Variants in RPRD2 observed in about 807,000 individuals in gnomAD.
The protein encoded by RPRD2 is regulation of nuclear pre-mRNA domain containing 2.
RPRD2 carries 12 observed loss-of-function variants against 104.4 expected under a neutral mutation model. That is an observed-to-expected ratio of 0.11 (90% CI 0.07 to 0.19). The LOEUF (loss-of-function observed/expected upper bound fraction) is 0.19, where lower values mean the gene tolerates loss of function less well. RPRD2 is among the 10% of genes least tolerant of loss of function. The probability of loss-of-function intolerance (pLI) is 1.00; values close to 1 mark genes in which losing one functional copy is unlikely to be tolerated. For missense variants in RPRD2, 1,543 were observed against 1,790.1 expected, an observed-to-expected ratio of 0.86 and a Z score of 2.49; for synonymous variants, 714 against 684.9, an observed-to-expected ratio of 1.04 and a Z score of -0.66.
intron 1 of RPRD2, among the ~76,000 whole-genome samples, chr1:150,373,085 C>T (rs1483166260): frequency 6.6e-6 from 1 of 151,916 alleles, no homozygotes; most frequent in African/African-American, 2.4e-5. Context: ...ACCATCTCGG[C>T]TCACTGCAAC....
At chr1:150,427,078 G>T (rs587704195) in intron 2 of RPRD2, among the ~76,000 whole-genome samples, 10 of 152,276 alleles carry the variant, frequency 6.6e-5, no homozygotes, top group African/African-American at 2.4e-4. Flanking sequence ...CCGGGAAGTG[G>T]AGGTTACAGT....
intron 1 of RPRD2, among the ~76,000 whole-genome samples, chr1:150,370,356 A>AAGT (rs1660209812): frequency 6.6e-6 from 1 of 152,130 alleles, no homozygotes. Context: ...TTTCATCTAT[A>AAGT]AGTAGTTCTG....
chr1:150,426,112 C>T (rs1200665054), intron 2 of RPRD2, among the ~76,000 whole-genome samples: 2 of 151,978 alleles, frequency 1.3e-5, no homozygotes, highest in Non-Finnish European at 2.9e-5. Context: ...AACAAACAAA[C>T]AAACAAAAAA....
At position 150,471,743 on chromosome 1, in the gene RPRD2, G is replaced by T; in HGVS notation, c.2795G>T (p.Ser932Ile). The T allele has an allele frequency of 6.2e-7, 1 of 1,613,896 alleles. No homozygotes were observed. Among genetic ancestry groups the T allele is most frequent in the African/African-American group, 1.3e-5 (1 of 74,982 alleles). The change falls in exon 11 of 11, where the codon AGT becomes ATT. Residue 932 changes from serine to isoleucine, a missense_variant. Physicochemically the swap from Ser to Ile is moderately radical, Grantham distance 142. Coordinates refer to ENST00000369068, the MANE Select transcript of RPRD2 (RefSeq NM_015203.5). This position sits in a 1 kb window ranked among gnomAD's most constrained non-coding sequence, Gnocchi z 5.3. ...EPGSDRSPSPSKNDSFFTPDS... is the reference protein window; with the variant it reads ...EPGSDRSPSPIKNDSFFTPDS... ...GGGTCTGACCGGTCACCATCACCGA[G>T]TAAGAATGATTCATTTTTCACCCCT...
At chr1:150,464,362 G>GTTTT (rs34642023) in intron 9 of RPRD2, among the ~76,000 whole-genome samples, 165 bp from the exon 10 acceptor site, 21 of 131,088 alleles carry the variant, frequency 1.6e-4, no homozygotes, top group African/African-American at 5.9e-4. Flanking sequence ...TCTTTTCAGG[G>GTTTT]TTTTTTTTTT....
At chr1:150,375,037 A>G (rs1258648438) in intron 1 of RPRD2, among the ~76,000 whole-genome samples, 2 of 148,100 alleles carry the variant, frequency 1.4e-5, no homozygotes, top group Non-Finnish European at 3.0e-5. Context: ...CCATTGCTCT[A>G]GGTTCATAGA....
chr1:150,385,739 G>C (rs1176903477), intron 1 of RPRD2, among the ~76,000 whole-genome samples: 1 of 152,184 alleles, frequency 6.6e-6, no homozygotes, highest in Non-Finnish European at 1.5e-5. Flanking sequence ...CCCCTGAGTA[G>C]TGCTTTCAGA....
chr1:150,374,569 G>A (rs1158924923), intron 1 of RPRD2, among the ~76,000 whole-genome samples: 1 of 152,184 alleles, frequency 6.6e-6, no homozygotes, highest in Admixed American at 6.5e-5. Context: ...CACTCAGTCT[G>A]TGGGATCTGA....
At chr1:150,446,833 C>CTTTTT (rs782290005) in intron 7 of RPRD2, among the ~76,000 whole-genome samples, 11,757 of 127,154 alleles carry the variant, frequency 0.092, 700 homozygotes, top group Non-Finnish European at 0.11. Context: ...AGACCTGGGT[C>CTTTTT]TTTTTTTTTT....
intron 9 of RPRD2, among the ~76,000 whole-genome samples, chr1:150,461,903 C>G (rs912363313): frequency 6.6e-6 from 1 of 151,870 alleles, no homozygotes; most frequent in Non-Finnish European, 1.5e-5. Context: ...TGGCCTGAAC[C>G]CAGGAGGCGG....
intron 3 of RPRD2, 149 bp downstream of exon 3, chr1:150,441,172 C>G: frequency 8.0e-6 from 4 of 496,910 alleles, no homozygotes; most frequent in Non-Finnish European, 1.4e-5. Context: ...TATGAAAAAT[C>G]TAGATCTGTT....
At chr1:150,430,915 G>A (rs782470875) in intron 2 of RPRD2, among the ~76,000 whole-genome samples, 1 of 148,838 alleles carries the variant, frequency 6.7e-6, no homozygotes, top group Non-Finnish European at 1.5e-5. Context: ...CAACAAGAGC[G>A]AAACTCCATC....
At position 150,423,984 on chromosome 1, in the gene RPRD2, G is replaced by T. The variant is rs183262904; in HGVS notation, c.335+6259G>T. Among the ~76,000 whole-genome samples, 1,181 of 152,014 alleles carry T rather than the reference G, an allele frequency of 7.8e-3. 9 individuals carry two copies. The highest frequency in any genetic ancestry group is 0.013 in the Non-Finnish European group (852 of 67,980). On this transcript the variant is annotated intron_variant, in intron 2 of 10. Transcript: ENST00000369068. ...ATTTTGTACTTTCAGTAGAGACGGG[G>T]TTTCTCCATGTTGGTCAGTCTGATC... is the stretch of plus-strand genomic sequence containing the variant.
At position 150,466,320 on chromosome 1, in the gene RPRD2, G is replaced by A. The variant is rs1039521620; in HGVS notation, c.1612+1593G>A. Among the ~76,000 whole-genome samples, 4 of 150,198 alleles carry A rather than the reference G, an allele frequency of 2.7e-5. No individual in the cohort carries two copies. The East Asian group carries it at 7.8e-4, about 29-fold the overall frequency. On this transcript the variant is annotated intron_variant, in intron 10 of 10. Coordinates refer to ENST00000369068, the MANE Select transcript of RPRD2 (RefSeq NM_015203.5). The stretch of plus-strand genomic sequence containing the variant: ...GTGAACCCAGGAGGTGGAGGTTGCA[G>A]TGAGCCAAGATTGCCCCACTACACT...
chr1:150,400,888 A>T (rs587728696), intron 1 of RPRD2, among the ~76,000 whole-genome samples: 46 of 149,994 alleles, frequency 3.1e-4, no homozygotes, highest in Admixed American at 7.3e-4. Flanking sequence ...TTTTTTTTAA[A>T]AAAAAGAGGG....
chr1:150,364,779 C>G lies in RPRD2; in HGVS notation c.65C>G (p.Ala22Gly), dbSNP rs781865386. Residue 22 changes from alanine (A) to glycine (G), a missense_variant, in exon 1 of 11, where the codon GCT becomes GGT. Physicochemically the swap from Ala to Gly is moderately conservative, Grantham distance 60. Transcript: ENST00000369068. Reference sequence around the variant, plus strand: ...TCCTCGTCGGCCTCTTCGGCAGGGGCTCTGGAGTCCTCGTTGGATCGAAAA... The same window carrying G: ...TCCTCGTCGGCCTCTTCGGCAGGGGGTCTGGAGTCCTCGTTGGATCGAAAA... Reference protein sequence around the residue: ...ASSSSASSAGALESSLDRKFQ... With the variant: ...ASSSSASSAGGLESSLDRKFQ... 6.2e-7 allele frequency: 1 copy of G among 1,611,768 alleles called. No homozygotes were observed. The highest frequency in any genetic ancestry group is 1.1e-5 in the South Asian group (1 of 90,750).
At chr1:150,438,354 G>A (rs587706615) in intron 2 of RPRD2, among the ~76,000 whole-genome samples, 8 of 148,374 alleles carry the variant, frequency 5.4e-5, no homozygotes, top group South Asian at 2.2e-4. Flanking sequence ...GGCCAGGTGC[G>A]GTGGCTCACA....
chr1:150,372,290 C>T (rs991757778), intron 1 of RPRD2, among the ~76,000 whole-genome samples: 1 of 152,164 alleles, frequency 6.6e-6, no homozygotes, highest in East Asian at 1.9e-4. Flanking sequence ...ACAGGGGATA[C>T]AGCAGGAGAA....
intron 1 of RPRD2, among the ~76,000 whole-genome samples, chr1:150,401,298 G>A (rs1662981367): frequency 6.6e-6 from 1 of 152,146 alleles, no homozygotes; most frequent in Non-Finnish European, 1.5e-5. Context: ...GGCCAGCCTG[G>A]CCAACATGGT....
Sources: allele counts gnomAD v4.1 joint callset (sites outside exome capture counted in the v4.1 genomes callset), GRCh38; gene constraint gnomAD v4.1.1; non-coding constraint Gnocchi (gnomAD v3.1); transcripts MANE v1.5; gene names NCBI Gene and HGNC (gene_info 2026-07-23, HGNC 2026-07-21).